ALG8: variants seen among roughly 807,000 people sequenced by gnomAD.
The protein encoded by ALG8 is dolichyl pyrophosphate Glc1Man9GlcNAc2 alpha-1,3-glucosyltransferase.
In ALG8, 48 loss-of-function variants were observed where a neutral mutation model predicts 70.2. The ratio of observed to expected loss-of-function variants is 0.68; its 90% CI spans 0.54 to 0.87. ALG8 has a LOEUF of 0.87. Among genes scored for constraint, ALG8 ranks in the 40% least tolerant of loss-of-function variants. The pLI is 0.00. For synonymous variants in ALG8, 234 were observed against 229.0 expected (o/e 1.02, Z -0.20); for missense variants, 572 against 608.7 (o/e 0.94, Z 0.64).
At chr11:78,110,053 T>A (rs1860212707) in intron 8 of ALG8, among the ~76,000 whole-genome samples, 2 of 152,060 alleles carry the variant, frequency 1.3e-5, no homozygotes, top group African/African-American at 4.8e-5. Flanking sequence ...TAACTGTGAG[T>A]CCTCAATATA....
At chr11:78,117,295 G>A (rs987879292) in intron 5 of ALG8, among the ~76,000 whole-genome samples, 1 of 152,144 alleles carries the variant, frequency 6.6e-6, no homozygotes, top group Non-Finnish European at 1.5e-5. Context: ...CCCATTCCCA[G>A]AGACTTCGAT....
intron 1 of ALG8, among the ~76,000 whole-genome samples, chr11:78,131,484 T>C (rs1861307891): frequency 6.6e-6 from 1 of 151,106 alleles, no homozygotes; most frequent in Non-Finnish European, 1.5e-5. Context: ...GCACCTGTAG[T>C]CCCAGCTACT....
At position 78,125,986 on chromosome 11, in the gene ALG8, C is replaced by T. The variant is rs200192208; in HGVS notation, c.174+1372G>A. On this transcript the variant is annotated intron_variant, in intron 2 of 12. Coordinates refer to ENST00000299626, the MANE Select transcript of ALG8 (RefSeq NM_024079.5). ...CATCCTGGCTAATATGGTGAAACCC[C>T]GTCTCTACTAAAAATACAAAAAATT... 2.4e-4 allele frequency among the ~76,000 whole-genome samples: 37 copies of T among 151,584 alleles called. 1 individual carries two copies. Among genetic ancestry groups the T allele is most frequent in the African/African-American group, 2.7e-4 (11 of 41,304 alleles).
chr11:78,112,077 C>G (rs1184053890), intron 8 of ALG8, among the ~76,000 whole-genome samples: 3 of 152,112 alleles, frequency 2.0e-5, no homozygotes, highest in Non-Finnish European at 2.9e-5. Flanking sequence ...TTTGATCCCA[C>G]TCTGGGCAAC....
chr11:78,124,149 A>G lies in ALG8; in HGVS notation c.240T>C (p.His80=). 6.2e-7 allele frequency: 1 copy of G among 1,614,192 alleles called. No individual in the cohort carries two copies. The highest frequency in any genetic ancestry group is 8.5e-7 in the Non-Finnish European group (1 of 1,180,026). Residue 80 remains histidine, a synonymous_variant, in exon 3 of 13, where the codon CAT becomes CAC. Coordinates refer to ENST00000299626, the MANE Select transcript of ALG8 (RefSeq NM_024079.5). ...TTTCTTGATCAAAATATTTGGCAAC[A>G]TGTGACAGGATATACTCAAACCATG... ...FFAWFEYILS[H]VAKYFDQEML...
chr11:78,137,705 C>G (rs1279965359), intron 1 of ALG8: 1 of 152,162 alleles, frequency 6.6e-6, no homozygotes, highest in Non-Finnish European at 1.5e-5. Flanking sequence ...GAACACACAG[C>G]ATTTATTAAG....
At chr11:78,119,308 G>C in intron 4 of ALG8, 59 bp from the exon 5 acceptor site, 1 of 1,225,672 alleles carries the variant, frequency 8.2e-7, no homozygotes, top group Non-Finnish European at 1.2e-6. Flanking sequence ...AACTATACCA[G>C]CTGATGGAGT....
chr11:78,105,983 C>T (rs1434764076), intron 10 of ALG8, among the ~76,000 whole-genome samples: 1 of 152,138 alleles, frequency 6.6e-6, no homozygotes, highest in Admixed American at 6.5e-5. Context: ...ACTGGGATTG[C>T]AGATGTGAGC....
intron 1 of ALG8, chr11:78,138,659 G>A (rs535527950): frequency 2.2e-5 from 10 of 450,578 alleles, no homozygotes; most frequent in African/African-American, 1.6e-4. Flanking sequence ...GAAAAAAGAG[G>A]AAGGATGAAG....
At position 78,101,186 on chromosome 11, in the gene ALG8, T is replaced by G; in HGVS notation, c.1359A>C (p.Lys453Asn). The stretch of plus-strand genomic sequence containing the variant: ...AAGTTTCCATCCAATTAAAAAGAGG[T>G]TTTTCTTTTCTGAAGGAAAAAAGAG... The part of the protein sequence containing the change: ...SSLKTLFRKE[K>N]PLFNWMETFY... Residue 453 changes from lysine (K) to asparagine (N), a missense_variant, in exon 13 of 13, where the codon AAA becomes AAC. Lys to Asn is a moderately conservative substitution (Grantham distance 94, BLOSUM62 0). Transcript: ENST00000299626. 1 of 1,613,556 alleles carries G rather than the reference T, an allele frequency of 6.2e-7. No homozygotes were observed. The highest frequency in any genetic ancestry group is 8.5e-7 in the Non-Finnish European group (1 of 1,179,710).
At position 78,112,737 on chromosome 11, in the gene ALG8, GA is replaced by G; in HGVS notation, c.810del (p.Pro271LeufsTer31). ...GCATGACAGAGGCCCCTCTTGAAAG[GA>G]AAGAGTCGGGAAAAGACTTGAGGCA... ...NQLPQVFSRLFPFKRGLCHAY... is the reference protein window; with the variant it reads ...NQLPQVFSRLXPFKRGLCHAY... On this transcript the variant is annotated frameshift_variant, in exon 8 of 13. Coordinates refer to ENST00000299626, the MANE Select transcript of ALG8 (RefSeq NM_024079.5). LOFTEE classifies it high-confidence loss of function. 1 of 1,613,992 alleles carries G rather than the reference GA, an allele frequency of 6.2e-7. No individual in the cohort carries two copies.
chr11:78,134,163 G>A (rs1173118660), intron 1 of ALG8, among the ~76,000 whole-genome samples: 4 of 149,916 alleles, frequency 2.7e-5, no homozygotes, highest in African/African-American at 7.4e-5. Flanking sequence ...TTGAGATGGA[G>A]TCTCACTCTT....
At position 78,114,334 on chromosome 11, in the gene ALG8, T is replaced by G; in HGVS notation, c.605A>C (p.Tyr202Ser). 1 of 1,613,970 alleles carries G rather than the reference T, an allele frequency of 6.2e-7. No homozygotes were observed. The highest frequency in any genetic ancestry group is 1.1e-5 in the South Asian group (1 of 91,074). The change falls in exon 6 of 13, where the codon TAC becomes TCC. Residue 202 changes from tyrosine (Y) to serine (S), a missense_variant. By Grantham distance (144) the Tyr-to-Ser change is moderately radical (BLOSUM62 -2). Coordinates refer to ENST00000299626, the MANE Select transcript of ALG8 (RefSeq NM_024079.5). ...FAVLLHFKHI[Y>S]LYVAPAYGVY... is the part of the protein sequence containing the mutation. Reference sequence around the variant, plus strand: ...ACCATAAGCTGGTGCTACATAGAGGTAGATATGCTTGAAATGTAGGAGAAC... The same window carrying G: ...ACCATAAGCTGGTGCTACATAGAGGGAGATATGCTTGAAATGTAGGAGAAC...
At chr11:78,112,486 C>G in intron 8 of ALG8, 164 bp downstream of exon 8, 1 of 962,500 alleles carries the variant, frequency 1.0e-6, no homozygotes, top group Non-Finnish European at 1.6e-6. Flanking sequence ...GCACTAAAGC[C>G]TCAGTCCCAA....
intron 1 of ALG8, 93 bp downstream of exon 1, chr11:78,139,401 C>G (rs1861697480): frequency 1.6e-6 from 2 of 1,262,882 alleles, no homozygotes; most frequent in Non-Finnish European, 1.1e-6. Flanking sequence ...CTAAAGTTTT[C>G]TCTTCATACC....
chr11:78,110,640 A>AT (rs1291907832), intron 8 of ALG8, among the ~76,000 whole-genome samples: 4 of 152,200 alleles, frequency 2.6e-5, no homozygotes, highest in Non-Finnish European at 5.9e-5. Flanking sequence ...ATACTTGGTT[A>AT]TTAAATAAAT....
intron 3 of ALG8, among the ~76,000 whole-genome samples, chr11:78,122,238 C>T (rs1427388459): frequency 1.3e-5 from 2 of 152,116 alleles, no homozygotes; most frequent in Admixed American, 1.3e-4. Flanking sequence ...AGCCTCAGTT[C>T]CCTCATGAAT....
chr11:78,118,674 G>A (rs915313769), intron 5 of ALG8, among the ~76,000 whole-genome samples: 5 of 149,470 alleles, frequency 3.3e-5, no homozygotes, highest in African/African-American at 1.2e-4. Flanking sequence ...GCAGGCACAG[G>A]GGCTCATGCT....
rs1590807194 is a variant in ALG8, at chr11:78,106,957, C to T, written c.1039-11G>A. 6.2e-7 allele frequency: 1 copy of T among 1,613,766 alleles called. No individual in the cohort carries two copies. Among genetic ancestry groups the T allele is most frequent in the Non-Finnish European group, 8.5e-7 (1 of 1,179,876 alleles). On this transcript the variant is annotated splice_polypyrimidine_tract_variant and intron_variant, in intron 9 of 12. Coordinates refer to ENST00000299626, the MANE Select transcript of ALG8 (RefSeq NM_024079.5). ...ACAGAAAATAGAGGGCTAGAAACAACAGGCAAAGATAAACTTCAGTATCAT... is the reference window on the plus strand; with the variant it reads ...ACAGAAAATAGAGGGCTAGAAACAATAGGCAAAGATAAACTTCAGTATCAT...
Sources: gnomAD v4.1 joint callset for allele counts (sites outside exome capture counted in the v4.1 genomes callset) on GRCh38, gnomAD v4.1.1 for gene constraint, MANE v1.5 for transcripts, NCBI Gene and HGNC (gene_info 2026-07-23, HGNC 2026-07-21) for gene names.